The following ADAM18 variants were observed in gnomAD, a reference collection of about 807,000 sequenced individuals.
ADAM18 encodes the protein disintegrin and metalloproteinase domain-containing protein 18.
ADAM18 carries 117 observed loss-of-function variants against 94.4 expected under a neutral mutation model. The observed-to-expected ratio is 1.24, with a 90% CI of 1.07 to 1.45. The LOEUF (loss-of-function observed/expected upper bound fraction) is 1.45. ADAM18 is among the 40% of genes most tolerant of loss of function. The pLI is 0.00. For missense variants in ADAM18, 936 were observed against 880.0 expected (o/e 1.06, Z -0.81); for synonymous variants, 327 against 291.6 (o/e 1.12, Z -1.24).
chr8:39,592,189 T>G (rs1336251442), intron 2 of ADAM18, among the ~76,000 whole-genome samples: 3 of 152,176 alleles, frequency 2.0e-5, no homozygotes, highest in African/African-American at 7.2e-5. Context: ...TCAGCTTCAA[T>G]TTAAAGTCAC....
At chr8:39,605,549 C>T (rs1182281059) in intron 2 of ADAM18, among the ~76,000 whole-genome samples, 3 of 151,818 alleles carry the variant, frequency 2.0e-5, no homozygotes, top group African/African-American at 4.8e-5. Flanking sequence ...GTTACTGGTT[C>T]GTTATATTTT....
At chr8:39,644,389 C>T (rs906440577) in intron 10 of ADAM18, among the ~76,000 whole-genome samples, 1 of 152,144 alleles carries the variant, frequency 6.6e-6, no homozygotes, top group African/African-American at 2.4e-5. Context: ...CTCCTGGGCT[C>T]AAGTCATTCT....
rs533655917 is a variant in ADAM18, at chr8:39,710,781, T to G, written c.2017+3877T>G. On this transcript the variant is annotated intron_variant, in intron 18 of 19. Transcript: ENST00000265707. ...TGGAGGACTAACTATCCTGCTAGGC[T>G]GATATAACAAGTATGTTTAGAACAA... Among the ~76,000 whole-genome samples, 3 of 152,338 alleles carry G rather than the reference T, an allele frequency of 2.0e-5. No homozygotes were observed. In the East Asian group the frequency reaches 5.8e-4, roughly 29 times the overall value.
At chr8:39,610,843 A>G in intron 6 of ADAM18, 137 bp downstream of exon 6, 1 of 1,281,472 alleles carries the variant, frequency 7.8e-7, no homozygotes, top group Non-Finnish European at 1.0e-6. Context: ...TAAATAAAAC[A>G]TTGAAACTTC....
intron 19 of ADAM18, among the ~76,000 whole-genome samples, chr8:39,727,213 C>T (rs1202966647): frequency 1.3e-5 from 2 of 152,158 alleles, no homozygotes; most frequent in Non-Finnish European, 2.9e-5. Context: ...AAGTCCTTTT[C>T]CCCATTGTCT....
At chr8:39,593,048 T>G (rs1235138868) in intron 2 of ADAM18, among the ~76,000 whole-genome samples, 1 of 152,212 alleles carries the variant, frequency 6.6e-6, no homozygotes, top group Non-Finnish European at 1.5e-5. Flanking sequence ...GCATTTTTGT[T>G]ATGGAGATAT....
intron 5 of ADAM18, among the ~76,000 whole-genome samples, chr8:39,609,911 CAGCTT>C (rs1819213904): frequency 6.6e-6 from 1 of 152,010 alleles, no homozygotes; most frequent in Non-Finnish European, 1.5e-5. Flanking sequence ...AGTATGGTCT[CAGCTT>C]AGTACCAGAT....
rs186882295 is a variant in ADAM18 at position 39,627,275 on chromosome 8, G to A, written c.523-2099G>A. ...TGGCAGAAGATGAAGGAAGAGCAAA[G>A]GGACATCTTACATGTCAGCAGGCAA... On this transcript the variant is annotated intron_variant, in intron 6 of 19. Coordinates refer to ENST00000265707, the MANE Select transcript of ADAM18 (RefSeq NM_014237.3). Among the ~76,000 whole-genome samples, 92 of 152,150 alleles carry A rather than the reference G, an allele frequency of 6.0e-4. 1 individual carries two copies. The Middle Eastern group carries it at 0.01, about 17-fold the overall frequency.
At chr8:39,658,303 G>A (rs953973644) in intron 12 of ADAM18, among the ~76,000 whole-genome samples, 1 of 152,060 alleles carries the variant, frequency 6.6e-6, no homozygotes, top group South Asian at 2.1e-4. Context: ...AAGGAACTTC[G>A]CAGGTGTGAT....
intron 6 of ADAM18, among the ~76,000 whole-genome samples, chr8:39,618,247 G>A (rs971440250): frequency 3.9e-5 from 6 of 152,104 alleles, no homozygotes; most frequent in Admixed American, 2.0e-4. Context: ...GTGAAAACTG[G>A]GTCCAGGGGG....
intron 7 of ADAM18, among the ~76,000 whole-genome samples, chr8:39,634,500 C>A (rs772782130): frequency 6.6e-5 from 10 of 152,152 alleles, no homozygotes; most frequent in Non-Finnish European, 1.0e-4. Flanking sequence ...CCACTCAAAG[C>A]CTTTGGGGCT....
At chr8:39,697,664 TA>T (rs1821963886) in intron 17 of ADAM18, among the ~76,000 whole-genome samples, 1 of 151,772 alleles carries the variant, frequency 6.6e-6, no homozygotes, top group African/African-American at 2.4e-5. Context: ...TTATTTCTGT[TA>T]AAAATTTTCC....
At chr8:39,711,883 T>A (rs1357302585) in intron 18 of ADAM18, among the ~76,000 whole-genome samples, 1 of 151,714 alleles carries the variant, frequency 6.6e-6, no homozygotes, top group Non-Finnish European at 1.5e-5. Flanking sequence ...TAAAATTTTA[T>A]GAAAATCATA....
chr8:39,584,812 C>A, intron 1 of ADAM18, 135 bp downstream of exon 1: 1 of 1,059,668 alleles, frequency 9.4e-7, no homozygotes, highest in South Asian at 1.4e-5. Flanking sequence ...TCTGGTGTGT[C>A]AGGGACACCT....
chr8:39,638,379 A>T, intron 9 of ADAM18, 86 bp from the exon 10 acceptor site: 1 of 884,246 alleles, frequency 1.1e-6, no homozygotes, highest in Non-Finnish European at 1.7e-6. Context: ...CATTTTTAAA[A>T]TTTTATGTGA....
chr8:39,628,389 G>A (rs1290781150), intron 6 of ADAM18, among the ~76,000 whole-genome samples: 2 of 150,666 alleles, frequency 1.3e-5, no homozygotes, highest in African/African-American at 4.9e-5. Context: ...GATAGATTTA[G>A]ATGATGAATT....
chr8:39,667,600 G>A (rs553730299), intron 13 of ADAM18, among the ~76,000 whole-genome samples: 30 of 152,226 alleles, frequency 2.0e-4, no homozygotes, highest in Non-Finnish European at 3.8e-4. Flanking sequence ...TACAAATAAG[G>A]TAGTAAGAGT....
At chr8:39,608,883 A>G (rs1819174159) in intron 3 of ADAM18, among the ~76,000 whole-genome samples, 159 bp from the exon 4 acceptor site, 1 of 152,206 alleles carries the variant, frequency 6.6e-6, no homozygotes, top group South Asian at 2.1e-4. Flanking sequence ...CACCAGTTCT[A>G]TGAATTTCAA....
intron 2 of ADAM18, among the ~76,000 whole-genome samples, chr8:39,585,951 A>T: frequency 6.6e-6 from 1 of 152,222 alleles, no homozygotes; most frequent in South Asian, 2.1e-4. Flanking sequence ...TGATTGAAAC[A>T]CCTGAAATTG....
Sources: allele counts gnomAD v4.1 joint callset (sites outside exome capture counted in the v4.1 genomes callset), GRCh38; gene constraint gnomAD v4.1.1; transcripts MANE v1.5; gene names NCBI Gene and HGNC (gene_info 2026-07-23, HGNC 2026-07-21).